The following RUBCNL variants were observed in gnomAD, a reference collection of about 807,000 sequenced individuals.
RUBCNL encodes the protein protein associated with UVRAG as autophagy enhancer.
RUBCNL carries 62 observed loss-of-function variants against 69.5 expected under a neutral mutation model. The ratio of observed to expected loss-of-function variants is 0.89; its 90% CI spans 0.73 to 1.10. The LOEUF is 1.10. Ranked by LOEUF, RUBCNL falls within the 50% of genes least tolerant of loss-of-function variation. The pLI is 0.00. For missense variants in RUBCNL, 768 were observed against 798.1 expected, an observed-to-expected ratio of 0.96 and a Z score of 0.45; for synonymous variants, 291 against 303.6, an observed-to-expected ratio of 0.96 and a Z score of 0.43.
Position 46,337,078 on chromosome 13 carries a change from G to C in RUBCNL, c.*6307C>G, listed in dbSNP as rs2048109374. 2.0e-5 allele frequency among the ~76,000 whole-genome samples: 3 copies of C among 151,986 alleles called. No individual in the cohort carries two copies. Among genetic ancestry groups the C allele is most frequent in the South Asian group, 4.2e-4 (2 of 4,816 alleles). On this transcript the variant is annotated 3_prime_UTR_variant, in exon 15 of 15. Transcript: ENST00000429979. ...GTCATGAGGGTGAGGCCCTCACAAAGGGAATTAGTGCCCTTGTAAAACAGA... is the reference window on the plus strand; with the variant it reads ...GTCATGAGGGTGAGGCCCTCACAAACGGAATTAGTGCCCTTGTAAAACAGA...
intron 10 of RUBCNL, among the ~76,000 whole-genome samples, chr13:46,353,876 G>A (rs2048425647): frequency 6.6e-6 from 1 of 152,210 alleles, no homozygotes; most frequent in Admixed American, 6.5e-5. Context: ...TAGTGTGACT[G>A]AGGAACTGAA....
chr13:46,388,623 A>C (rs2049301171), upstream of RUBCNL, among the ~76,000 whole-genome samples: 1 of 152,170 alleles, frequency 6.6e-6, no homozygotes, highest in Non-Finnish European at 1.5e-5. Flanking sequence ...TCTCCCGGGG[A>C]AGGACCTCTG....
chr13:46,340,359 C>T lies in RUBCNL; in HGVS notation c.*3026G>A, dbSNP rs943093496. ...CCAGGGAGTAACTTACCCAGAGATA[C>T]AGAAAATAAGGGGTATGACTCAGTT... On this transcript the variant is annotated 3_prime_UTR_variant, in exon 15 of 15. Coordinates refer to ENST00000429979, the MANE Select transcript of RUBCNL (RefSeq NM_025113.5). 2.6e-5 allele frequency among the ~76,000 whole-genome samples: 4 copies of T among 152,146 alleles called. No homozygotes were observed. The highest frequency in any genetic ancestry group is 2.9e-5 in the Non-Finnish European group (2 of 68,022).
chr13:46,380,202 T>G (rs533149634), intron 1 of RUBCNL, among the ~76,000 whole-genome samples: 14 of 152,206 alleles, frequency 9.2e-5, no homozygotes, highest in African/African-American at 3.1e-4. Flanking sequence ...AATGGGTAAG[T>G]AAGAAGGGGA....
rs2048226098 is a variant in RUBCNL, at chr13:46,345,475, G to A, written c.1757C>T (p.Ala586Val). Residue 586 changes from alanine to valine, a missense_variant, in exon 13 of 15, where the codon GCT (alanine) becomes GTT (valine). Physicochemically the swap from Ala to Val is moderately conservative, Grantham distance 64. Coordinates refer to ENST00000429979, the MANE Select transcript of RUBCNL (RefSeq NM_025113.5). ...ACAGCCAGCCACATGTGCAAGGGAA[G>A]CTTTCAGAATGTCCTTGAGTAAGGG... Reference protein sequence around the residue: ...LAPLLKDILKASLAHVAGCEL... With the variant: ...LAPLLKDILKVSLAHVAGCEL... 1 of 1,576,526 alleles carries A rather than the reference G, an allele frequency of 6.3e-7. No homozygotes were observed. The highest frequency in any genetic ancestry group is 8.6e-7 in the Non-Finnish European group (1 of 1,161,316).
rs59928384 is a variant in RUBCNL at position 46,334,688 on chromosome 13, G to GA, written c.*8696dup. On this transcript the variant is annotated 3_prime_UTR_variant, in exon 15 of 15. Transcript: ENST00000429979. ...GGCAGGGGAGCTTGGAGGCCAGGGG[G>GA]AAAAAAAACACTGAATTTTATACAC... Among the ~76,000 whole-genome samples, 12 of 151,374 alleles carry GA rather than the reference G, an allele frequency of 7.9e-5. No homozygotes were observed. The highest frequency in any genetic ancestry group is 2.1e-4 in the South Asian group (1 of 4,784).
In RUBCNL at chr13:46,361,581, G is replaced by T. The variant is rs1230549182; in HGVS notation, c.987-8C>A. ...TCTGGCTCATAAGTGACACTGAAAT[G>T]TAAGAGATGCAAATACTGGAAAACT... is the stretch of plus-strand genomic sequence containing the variant. On this transcript the variant is annotated splice_region_variant and splice_polypyrimidine_tract_variant and intron_variant, in intron 7 of 14. Coordinates refer to ENST00000429979, the MANE Select transcript of RUBCNL (RefSeq NM_025113.5). The T allele has an allele frequency of 7.6e-6, 12 of 1,587,134 alleles. No homozygotes were observed. The highest frequency in any genetic ancestry group is 9.4e-6 in the Non-Finnish European group (11 of 1,166,034).
intron 6 of RUBCNL, 47 bp downstream of exon 6, chr13:46,363,068 G>C: frequency 8.5e-7 from 1 of 1,175,740 alleles, no homozygotes; most frequent in South Asian, 1.3e-5. Context: ...TATGCGGATG[G>C]GATTGGGGAG....
At chr13:46,353,264 C>T (rs989574416) in intron 10 of RUBCNL, among the ~76,000 whole-genome samples, 1 of 152,156 alleles carries the variant, frequency 6.6e-6, no homozygotes, top group Non-Finnish European at 1.5e-5. Flanking sequence ...TCTCTAGAGT[C>T]GCCATGAACA....
chr13:46,359,208 T>A (rs1489891677), intron 9 of RUBCNL, among the ~76,000 whole-genome samples: 2 of 152,100 alleles, frequency 1.3e-5, no homozygotes, highest in East Asian at 1.9e-4. Flanking sequence ...TTTAAGCCTA[T>A]TTAATTTTCA....
chr13:46,380,615 G>A (rs1383323642), intron 1 of RUBCNL, among the ~76,000 whole-genome samples: 1 of 152,086 alleles, frequency 6.6e-6, no homozygotes, highest in African/African-American at 2.4e-5. Flanking sequence ...AGGTATATTT[G>A]ATTTCATGCC....
upstream of RUBCNL, chr13:46,387,433 C>T (rs773820293): frequency 2.1e-5 from 21 of 985,364 alleles, no homozygotes; most frequent in Non-Finnish European, 2.5e-5. Flanking sequence ...GCTCCTACAC[C>T]GGTGCCGCGG....
In RUBCNL at chr13:46,337,023, T is replaced by C. The variant is rs1219055651; in HGVS notation, c.*6362A>G. On this transcript the variant is annotated 3_prime_UTR_variant, in exon 15 of 15. Transcript: ENST00000429979. ...ACCTAACCCCCAATTGTGACAGTAT[T>C]AGGAGGTGGAGCCTTTAGGTGGTGA... 6.6e-6 allele frequency among the ~76,000 whole-genome samples: 1 copy of C among 152,090 alleles called. No homozygotes were observed. Among genetic ancestry groups the C allele is most frequent in the African/African-American group, 2.4e-5 (1 of 41,408 alleles).
intron 1 of RUBCNL, among the ~76,000 whole-genome samples, chr13:46,384,827 G>A (rs896583696): frequency 6.6e-6 from 1 of 152,104 alleles, no homozygotes; most frequent in African/African-American, 2.4e-5. Context: ...AGAAACAAAG[G>A]ATTCATTCAA....
chr13:46,360,813 C>T (rs1023641512), intron 8 of RUBCNL, among the ~76,000 whole-genome samples: 2 of 152,246 alleles, frequency 1.3e-5, no homozygotes, highest in Non-Finnish European at 2.9e-5. Context: ...TCCAATGAGG[C>T]AGCCTGGGCA....
In RUBCNL at chr13:46,335,087, TG is replaced by T. The variant is rs2048095302; in HGVS notation, c.*8297del. 6.6e-6 allele frequency among the ~76,000 whole-genome samples: 1 copy of T among 151,148 alleles called. No homozygotes were observed. Among genetic ancestry groups the T allele is most frequent in the South Asian group, 2.1e-4 (1 of 4,792 alleles). On this transcript the variant is annotated 3_prime_UTR_variant, in exon 15 of 15. Coordinates refer to ENST00000429979, the MANE Select transcript of RUBCNL (RefSeq NM_025113.5). The stretch of plus-strand genomic sequence containing the variant: ...AATTTGGACTTTTTTTTTTTTGAGA[TG>T]GGGTCTCACTCTGTCACCCAGGCTG...
Position 46,362,593 on chromosome 13 carries a change from C to G in RUBCNL, c.931G>C (p.Gly311Arg). ...DVDEFVILEL[G>R]DFNDITETCS... The stretch of plus-strand genomic sequence containing the variant: ...GTTTCTGTGATATCATTAAAATCTC[C>G]AAGCTCTGTGGGAAAATAAAAGAAA... The change falls in exon 7 of 15, where the codon GGA (glycine) becomes CGA (arginine). Residue 311 changes from glycine to arginine, a missense_variant. Coordinates refer to ENST00000429979, the MANE Select transcript of RUBCNL (RefSeq NM_025113.5). 8.1e-6 allele frequency: 13 copies of G among 1,606,280 alleles called. No homozygotes were observed. Among genetic ancestry groups the G allele is most frequent in the Non-Finnish European group, 1.0e-5 (12 of 1,175,972 alleles).
At chr13:46,348,957 C>T (rs931480079) in intron 12 of RUBCNL, among the ~76,000 whole-genome samples, 3 of 152,144 alleles carry the variant, frequency 2.0e-5, no homozygotes, top group African/African-American at 7.2e-5. Flanking sequence ...CTTTGCCTGC[C>T]ACCATGTAAG....
intron 2 of RUBCNL, among the ~76,000 whole-genome samples, chr13:46,376,088 T>C (rs1308091567): frequency 1.3e-5 from 2 of 152,338 alleles, no homozygotes; most frequent in African/African-American, 2.4e-5. Context: ...TATAGTATTA[T>C]ACACTAACAT....
Sources: allele counts gnomAD v4.1 joint callset (sites outside exome capture counted in the v4.1 genomes callset), GRCh38; gene constraint gnomAD v4.1.1; transcripts MANE v1.5; gene names NCBI Gene and HGNC (gene_info 2026-07-23, HGNC 2026-07-21).